Variants in MAPRE2 observed in about 807,000 individuals in gnomAD.
MAPRE2 encodes microtubule associated protein RP/EB family member 2, also known as microtubule-associated protein RP/EB family member 2.
MAPRE2 carries 13 observed loss-of-function variants against 43.2 expected under a neutral mutation model. The observed-to-expected ratio is 0.30, with a 90% CI of 0.20 to 0.48. The LOEUF (loss-of-function observed/expected upper bound fraction) is 0.48. Ranked by LOEUF, MAPRE2 falls within the 20% of genes least tolerant of loss-of-function variation. The probability of loss-of-function intolerance (pLI) is 0.99; values close to 1 mark genes in which losing one functional copy is unlikely to be tolerated. For missense variants in MAPRE2, 161 were observed against 400.2 expected, an observed-to-expected ratio of 0.40 and a Z score of 5.10; for synonymous variants, 135 against 148.8, an observed-to-expected ratio of 0.91 and a Z score of 0.68.
rs1231325733 is a variant in MAPRE2, at chr18:35,142,883, G to T, written c.*2514G>T. 6.6e-6 allele frequency: 1 copy of T among 151,912 alleles called. No homozygotes were observed. The highest frequency in any genetic ancestry group is 2.4e-5 in the African/African-American group (1 of 41,326). The allele number at this position is 151,912 out of a possible 1,614,324, so 9.4% of individuals were successfully genotyped here. ...GCGGCCCCTGGTCACATGTCATCGG[G>T]CTGGGCAGGAAGCGTCCCTGATTGC... On this transcript the variant is annotated 3_prime_UTR_variant, in exon 7 of 7. Coordinates refer to ENST00000300249, the MANE Select transcript of MAPRE2 (RefSeq NM_014268.4).
At chr18:35,067,346 T>G (rs564342548) in intron 1 of MAPRE2, among the ~76,000 whole-genome samples, 1 of 152,234 alleles carries the variant, frequency 6.6e-6, no homozygotes, top group African/African-American at 2.4e-5. Flanking sequence ...GTGAATGTTA[T>G]CAGCAAAGAC....
chr18:35,029,274 C>G (rs1235695833), intron 2 of MAPRE2, among the ~76,000 whole-genome samples: 1 of 152,110 alleles, frequency 6.6e-6, no homozygotes, highest in Non-Finnish European at 1.5e-5. Context: ...AGGAATTTCT[C>G]TTCCATTACT....
chr18:35,126,876 A>C (rs1909926914), intron 4 of MAPRE2, 72 bp from the exon 5 acceptor site: 7 of 1,338,142 alleles, frequency 5.2e-6, no homozygotes, highest in Non-Finnish European at 5.3e-6. Context: ...TTTTCATATC[A>C]TTCATTTTCT....
chr18:35,052,705 C>G (rs1162259910), intron 1 of MAPRE2, among the ~76,000 whole-genome samples: 1 of 152,098 alleles, frequency 6.6e-6, no homozygotes, highest in African/African-American at 2.4e-5. Context: ...CTGATTGTTT[C>G]ACATCCTTGG....
chr18:35,129,137 C>T (rs188663754), intron 5 of MAPRE2, among the ~76,000 whole-genome samples: 30 of 152,342 alleles, frequency 2.0e-4, no homozygotes, highest in East Asian at 1.3e-3. Flanking sequence ...ACCTTCACAC[C>T]GAGGAATGTG....
intron 1 of MAPRE2, among the ~76,000 whole-genome samples, chr18:35,001,461 C>G (rs1430281848): frequency 6.7e-6 from 1 of 149,200 alleles, no homozygotes; most frequent in Non-Finnish European, 1.5e-5. Context: ...TTGCAGTCAG[C>G]AGAGATGGAG....
At chr18:34,979,995 C>T (rs770398594) in intron 1 of MAPRE2, among the ~76,000 whole-genome samples, 6 of 150,134 alleles carry the variant, frequency 4.0e-5, no homozygotes, top group South Asian at 2.1e-4. Flanking sequence ...TCCCCTTCCT[C>T]AATTTCTTTT....
chr18:35,084,574 A>G (rs1391571157), intron 2 of MAPRE2, among the ~76,000 whole-genome samples: 1 of 152,234 alleles, frequency 6.6e-6, no homozygotes. Context: ...ACAAGAAAAG[A>G]GATGAAAATG....
intron 2 of MAPRE2, among the ~76,000 whole-genome samples, chr18:35,074,703 C>G (rs1160429362): frequency 6.6e-6 from 1 of 152,082 alleles, no homozygotes; most frequent in Admixed American, 6.5e-5. Context: ...TGCCTTGACT[C>G]CCATCCTCAC....
intron 2 of MAPRE2, among the ~76,000 whole-genome samples, chr18:35,034,513 A>G (rs28787587): frequency 0.036 from 5,503 of 151,378 alleles, 313 homozygotes; most frequent in African/African-American, 0.13. Flanking sequence ...TGACAAATGG[A>G]ATCTAATTAA....
chr18:35,138,193 G>A (rs1259506838), intron 6 of MAPRE2, among the ~76,000 whole-genome samples: 2 of 152,188 alleles, frequency 1.3e-5, no homozygotes, highest in African/African-American at 4.8e-5. Context: ...CAGGGGTCTG[G>A]GGTCGATCCG....
upstream of MAPRE2, among the ~76,000 whole-genome samples, chr18:35,040,741 G>C (rs2097053253): frequency 6.6e-6 from 1 of 152,174 alleles, no homozygotes; most frequent in African/African-American, 2.4e-5. Context: ...TAAAATGGTG[G>C]TTATCTTTTT....
intron 4 of MAPRE2, among the ~76,000 whole-genome samples, chr18:35,114,771 C>T (rs1909337330): frequency 6.6e-6 from 1 of 152,148 alleles, no homozygotes; most frequent in African/African-American, 2.4e-5. Context: ...TTTAAAACAG[C>T]ATTGGGTCAT....
chr18:35,122,402 T>C (rs1909719445), intron 4 of MAPRE2, among the ~76,000 whole-genome samples: 2 of 152,234 alleles, frequency 1.3e-5, no homozygotes, highest in Admixed American at 6.5e-5. Flanking sequence ...TTTAATTTCT[T>C]CACATTTATT....
intron 2 of MAPRE2, among the ~76,000 whole-genome samples, chr18:35,011,366 G>T (rs1009890815): frequency 1.3e-5 from 2 of 152,170 alleles, no homozygotes; most frequent in Admixed American, 6.5e-5. Context: ...CAGCTTCAAA[G>T]ATCTGGAGGG....
In MAPRE2 at chr18:35,128,035, C is replaced by T. The variant is rs769259319; in HGVS notation, c.750+948C>T. Reference sequence around the variant, plus strand: ...GTTCCCAGCCGCTCACTGGGCCCGTCGTGGTGATTAATCTTATTCTTGATG... The same window carrying T: ...GTTCCCAGCCGCTCACTGGGCCCGTTGTGGTGATTAATCTTATTCTTGATG... On this transcript the variant is annotated intron_variant, in intron 5 of 6. Coordinates refer to ENST00000300249, the MANE Select transcript of MAPRE2 (RefSeq NM_014268.4). Among the ~76,000 whole-genome samples the T allele has an allele frequency of 4.6e-5, 7 of 152,150 alleles. No homozygotes were observed. The South Asian group carries it at 6.2e-4, about 14-fold the overall frequency.
intron 4 of MAPRE2, among the ~76,000 whole-genome samples, chr18:35,121,082 A>G (rs970696527): frequency 6.6e-6 from 1 of 152,210 alleles, no homozygotes; most frequent in African/African-American, 2.4e-5. Context: ...AAGGAATAAT[A>G]TGGCAGATTA....
rs745416171 is a variant in MAPRE2 at position 35,092,003 on chromosome 18, T to A, written c.251-5443T>A. Among the ~76,000 whole-genome samples the A allele has an allele frequency of 8.0e-4, 122 of 152,208 alleles. 1 individual carries two copies. The highest frequency in any genetic ancestry group is 1.9e-4 in the Non-Finnish European group (13 of 68,022). ...AGGCCAAGGGAAAGCAGGCACATCTTACGTGGCTGGAGCAGGAGCAAGAGA... is the reference window on the plus strand; with the variant it reads ...AGGCCAAGGGAAAGCAGGCACATCTAACGTGGCTGGAGCAGGAGCAAGAGA... On this transcript the variant is annotated intron_variant, in intron 2 of 6. Coordinates refer to ENST00000300249, the MANE Select transcript of MAPRE2 (RefSeq NM_014268.4).
At chr18:35,138,830 G>A (rs1366374282) in intron 6 of MAPRE2, among the ~76,000 whole-genome samples, 4 of 152,076 alleles carry the variant, frequency 2.6e-5, no homozygotes, top group Non-Finnish European at 5.9e-5. Flanking sequence ...ATGTGAACTC[G>A]AGTCCATGTT....
Sources: allele counts gnomAD v4.1 joint callset (sites outside exome capture counted in the v4.1 genomes callset), GRCh38; gene constraint gnomAD v4.1.1; transcripts MANE v1.5; gene names NCBI Gene and HGNC (gene_info 2026-07-23, HGNC 2026-07-21).